The following VRK1 variants were observed in gnomAD, a reference collection of about 807,000 sequenced individuals.
VRK1 encodes serine/threonine-protein kinase VRK1.
Under a neutral mutation model 57.1 loss-of-function variants are expected in VRK1, and 33 were observed. The observed-to-expected ratio is 0.58, with a 90% CI of 0.44 to 0.77. The LOEUF (loss-of-function observed/expected upper bound fraction) is 0.77, where lower values mean the gene tolerates loss of function less well. Ranked by LOEUF, VRK1 falls within the 30% of genes least tolerant of loss-of-function variation. The probability of loss-of-function intolerance (pLI) is 0.00; values close to 1 mark genes in which losing one functional copy is unlikely to be tolerated. For missense variants in VRK1, 413 were observed against 477.3 expected (o/e 0.87, Z 1.25); for synonymous variants, 137 against 147.8 (o/e 0.93, Z 0.53).
intron 12 of VRK1, chr14:96,877,637 C>T (rs962670385): frequency 1.6e-6 from 2 of 1,285,886 alleles, no homozygotes; most frequent in African/African-American, 3.0e-5. Context: ...AAAACAATCC[C>T]TTAAATTTTA....
intron 1 of VRK1, among the ~76,000 whole-genome samples, chr14:96,805,703 G>T (rs1455495852): frequency 2.0e-5 from 3 of 152,122 alleles, no homozygotes. Flanking sequence ...ATGGAAAAAT[G>T]TATCATTCCA....
intron 1 of VRK1, among the ~76,000 whole-genome samples, chr14:96,830,397 T>A: frequency 6.6e-6 from 1 of 152,124 alleles, no homozygotes; most frequent in East Asian, 1.9e-4. Flanking sequence ...TTTTTTCCTT[T>A]TCACTTTCTA....
chr14:96,856,766 A>G (rs957651709), intron 10 of VRK1, among the ~76,000 whole-genome samples, 180 bp downstream of exon 10: 30 of 152,166 alleles, frequency 2.0e-4, no homozygotes, highest in Admixed American at 1.3e-4. Flanking sequence ...CAGGAGATCA[A>G]GACCATCCTG....
At chr14:96,815,071 T>G (rs1452028459) in intron 1 of VRK1, among the ~76,000 whole-genome samples, 3 of 152,228 alleles carry the variant, frequency 2.0e-5, no homozygotes, top group Admixed American at 2.0e-4. Flanking sequence ...GAGTATGCAT[T>G]TAAAATTTTG....
At chr14:96,866,680 A>G (rs1888600317) in intron 11 of VRK1, among the ~76,000 whole-genome samples, 1 of 152,150 alleles carries the variant, frequency 6.6e-6, no homozygotes, top group African/African-American at 2.4e-5. Flanking sequence ...TTTCTCCCCC[A>G]AGCTGCCTGA....
intron 2 of VRK1, among the ~76,000 whole-genome samples, chr14:96,836,766 T>G (rs1887232951): frequency 6.6e-6 from 1 of 152,072 alleles, no homozygotes; most frequent in Non-Finnish European, 1.5e-5. Context: ...TGACCTCAGG[T>G]GATCCACCTG....
intron 5 of VRK1, among the ~76,000 whole-genome samples, 179 bp downstream of exon 5, chr14:96,847,523 A>G (rs1354879636): frequency 6.6e-6 from 1 of 152,216 alleles, no homozygotes; most frequent in Admixed American, 6.5e-5. Context: ...TTTCCATAGC[A>G]GCAGGCTATG....
intron 3 of VRK1, 60 bp downstream of exon 3, chr14:96,837,877 A>C (rs1239449274): frequency 7.8e-7 from 1 of 1,279,098 alleles, no homozygotes; most frequent in Non-Finnish European, 1.1e-6. Flanking sequence ...TATTTTGTAA[A>C]ATGCCTTTTT....
At position 96,864,581 on chromosome 14, in the gene VRK1, G is replaced by T. The variant is rs549579361; in HGVS notation, c.1068+3846G>T. On this transcript the variant is annotated intron_variant, in intron 11 of 12. Coordinates refer to ENST00000216639, the MANE Select transcript of VRK1 (RefSeq NM_003384.3). ...TGTTAAGAACATTATTTTAATTTTT[G>T]GGGGGAAACATGTACATTTATTTCA... Among the ~76,000 whole-genome samples, 29 of 152,120 alleles carry T rather than the reference G, an allele frequency of 1.9e-4. No individual in the cohort carries two copies. In the East Asian group the frequency reaches 3.1e-3, roughly 16 times the overall value.
chr14:96,855,124 G>A (rs910533537), intron 7 of VRK1, 100 bp from the exon 8 acceptor site: 2 of 1,580,220 alleles, frequency 1.3e-6, no homozygotes, highest in Non-Finnish European at 1.7e-6. Flanking sequence ...CCTTGTAGGT[G>A]AACCCACCTT....
intron 3 of VRK1, among the ~76,000 whole-genome samples, chr14:96,842,545 C>T (rs1017347742): frequency 5.9e-5 from 9 of 152,084 alleles, no homozygotes; most frequent in Non-Finnish European, 1.2e-4. Context: ...GAAGAAAATA[C>T]ATCAAAATGT....
At chr14:96,822,999 C>G (rs1886660213) in intron 1 of VRK1, among the ~76,000 whole-genome samples, 2 of 152,174 alleles carry the variant, frequency 1.3e-5, no homozygotes, top group Admixed American at 1.3e-4. Flanking sequence ...TGCCTATACT[C>G]TCTGCCCAGA....
At chr14:96,875,219 C>T (rs561202944) in intron 11 of VRK1, among the ~76,000 whole-genome samples, 8 of 152,226 alleles carry the variant, frequency 5.3e-5, no homozygotes, top group Non-Finnish European at 7.4e-5. Context: ...AGAAACTTAA[C>T]GCAGGATTGG....
chr14:96,803,561 T>C (rs997577900), intron 1 of VRK1, among the ~76,000 whole-genome samples: 4 of 152,192 alleles, frequency 2.6e-5, no homozygotes, highest in Non-Finnish European at 5.9e-5. Flanking sequence ...TAAGTATGTC[T>C]ATCTAATGTA....
At chr14:96,835,044 T>C (rs1887161884) in intron 2 of VRK1, among the ~76,000 whole-genome samples, 1 of 152,202 alleles carries the variant, frequency 6.6e-6, no homozygotes, top group African/African-American at 2.4e-5. Flanking sequence ...TCTGTATTTA[T>C]CATCAAAAGG....
intron 1 of VRK1, among the ~76,000 whole-genome samples, chr14:96,820,920 C>T (rs1022104128): frequency 2.0e-5 from 3 of 152,154 alleles, no homozygotes; most frequent in Admixed American, 6.5e-5. Flanking sequence ...AGTTTCATAG[C>T]TCTTGATATC....
chr14:96,855,468 G>A (rs1025429342), intron 8 of VRK1, 112 bp downstream of exon 8: 17 of 1,520,198 alleles, frequency 1.1e-5, no homozygotes, highest in Admixed American at 7.0e-5. Context: ...AATTGAAAAG[G>A]CACAGTGGCA....
At chr14:96,834,599 C>T (rs1237948025) in intron 2 of VRK1, among the ~76,000 whole-genome samples, 7 of 152,254 alleles carry the variant, frequency 4.6e-5, no homozygotes, top group African/African-American at 1.2e-4. Flanking sequence ...AGCAGTGGGC[C>T]GCCCTTGGTC....
chr14:96,856,969 G>GAAAA (rs147042810), intron 10 of VRK1, among the ~76,000 whole-genome samples: 19,662 of 150,746 alleles, frequency 0.13, 1,582 homozygotes, highest in Non-Finnish European at 0.19. Context: ...CTCCGTCTCA[G>GAAAA]AAAAAAAAAT....
Sources: gnomAD v4.1 joint callset for allele counts (sites outside exome capture counted in the v4.1 genomes callset) on GRCh38, gnomAD v4.1.1 for gene constraint, MANE v1.5 for transcripts, NCBI Gene and HGNC (gene_info 2026-07-23, HGNC 2026-07-21) for gene names.